SLC8A2: variants seen among roughly 807,000 people sequenced by gnomAD.
SLC8A2 encodes the protein sodium/calcium exchanger 2.
In SLC8A2, 14 loss-of-function variants were observed where a neutral mutation model predicts 70.2. That is an observed-to-expected ratio of 0.20 (90% CI 0.13 to 0.31). The LOEUF (loss-of-function observed/expected upper bound fraction) is 0.31. Among genes scored for constraint, SLC8A2 ranks in the 10% least tolerant of loss-of-function variants. The pLI is 1.00. For missense variants in SLC8A2, 779 were observed against 1,320.1 expected, an observed-to-expected ratio of 0.59 and a Z score of 6.35; for synonymous variants, 575 against 594.3, an observed-to-expected ratio of 0.97 and a Z score of 0.47.
At chr19:47,441,609 A>G (rs555104787) in intron 4 of SLC8A2, among the ~76,000 whole-genome samples, 169 bp from the exon 5 acceptor site, 2 of 152,176 alleles carry the variant, frequency 1.3e-5, no homozygotes, top group African/African-American at 4.8e-5. Flanking sequence ...CTCTATTATC[A>G]TCCCCATTTG....
At chr19:47,446,474 G>A (rs765866614) in intron 4 of SLC8A2, among the ~76,000 whole-genome samples, 1 of 152,150 alleles carries the variant, frequency 6.6e-6, no homozygotes, top group Non-Finnish European at 1.5e-5. Context: ...TGTCGCCCAG[G>A]CTGGAGTGCA....
In SLC8A2 at chr19:47,437,935, C is replaced by G. The variant is rs771250232; in HGVS notation, c.1924G>C (p.Ala642Pro). 1 of 1,613,570 alleles carries G rather than the reference C, an allele frequency of 6.2e-7. No homozygotes were observed. The highest frequency in any genetic ancestry group is 1.1e-5 in the South Asian group (1 of 91,068). ...DRKLTAEEEE[A>P]RRIAEMGKPV... ...TTGCCCATCTCTGCTATCCTCCGAG[C>G]CTCCTCCTCCTCGGCTGTTAGCTTC... Residue 642 changes from alanine to proline, a missense_variant, in exon 7 of 10, where the codon GCT (alanine) becomes CCT (proline). Ala to Pro is a conservative substitution (Grantham distance 27, BLOSUM62 -1). This residue lies in a region of SLC8A2 where 247 missense variants were observed against 362.8 expected (regional missense o/e 0.68). Transcript: ENST00000236877.
At chr19:47,443,599 C>G (rs1599848764) in intron 4 of SLC8A2, among the ~76,000 whole-genome samples, 1 of 152,234 alleles carries the variant, frequency 6.6e-6, no homozygotes, top group African/African-American at 2.4e-5. Context: ...CGTCAGTTAG[C>G]ACGACTCCCC....
chr19:47,429,831 C>CG lies in SLC8A2; in HGVS notation c.*257dup. The CG allele has an allele frequency of 1.8e-6, 1 of 567,350 alleles. No individual in the cohort carries two copies. The highest frequency in any genetic ancestry group is 3.1e-6 in the Non-Finnish European group (1 of 321,224). 35.1% of individuals were successfully genotyped at this position (567,350 alleles called of 1,614,324 possible). ...GTGGAAATTTCCCCAGGGATATAGA[C>CG]GGTCACCAACAGGATGGGCTGGAGT... On this transcript the variant is annotated 3_prime_UTR_variant, in exon 10 of 10. Coordinates refer to ENST00000236877, the MANE Select transcript of SLC8A2 (RefSeq NM_015063.3).
chr19:47,465,043 A>G lies in SLC8A2; in HGVS notation c.675+686T>C, dbSNP rs983177943. Among the ~76,000 whole-genome samples the G allele has an allele frequency of 6.6e-6, 1 of 152,250 alleles. No individual in the cohort carries two copies. Among genetic ancestry groups the G allele is most frequent in the African/African-American group, 2.4e-5 (1 of 41,464 alleles). On this transcript the variant is annotated intron_variant, in intron 2 of 9. Transcript: ENST00000236877. The surrounding 1 kb of genome is among the most constrained non-coding windows in gnomAD (Gnocchi z 5.5). ...TGGGTTGGATGGGAGTATACATTAC[A>G]CTGAAGTGGCATAAATTATCCCAAC...
Position 47,448,109 on chromosome 19 carries a change from C to G in SLC8A2, c.1463G>C (p.Gly488Ala), listed in dbSNP as rs768433740. Reference protein sequence around the residue: ...FFVRLLNLRVGDAQGMFEPDG... With the variant: ...FFVRLLNLRVADAQGMFEPDG... ...CGGCTCGAACATGCCCTGCGCGTCG[C>G]CCACGCGCAGGTTCAGCAGCCGCAC... Residue 488 changes from glycine to alanine, a missense_variant, in exon 4 of 10, where the codon GGC becomes GCC. Gly to Ala is a moderately conservative substitution (Grantham distance 60, BLOSUM62 0). Coordinates refer to ENST00000236877, the MANE Select transcript of SLC8A2 (RefSeq NM_015063.3). The surrounding 1 kb of genome is among the most constrained non-coding windows in gnomAD (Gnocchi z 4.8). The G allele has an allele frequency of 9.9e-6, 16 of 1,610,636 alleles. No individual in the cohort carries two copies. The highest frequency in any genetic ancestry group is 1.3e-5 in the African/African-American group (1 of 75,030).
intron 1 of SLC8A2, among the ~76,000 whole-genome samples, chr19:47,469,837 G>C (rs1967510970): frequency 6.6e-6 from 1 of 152,198 alleles, no homozygotes; most frequent in African/African-American, 2.4e-5. Context: ...CGTCTCCCAG[G>C]GCCATCTCTC....
chr19:47,463,361 C>G (rs1251410747), intron 2 of SLC8A2, among the ~76,000 whole-genome samples: 2 of 149,780 alleles, frequency 1.3e-5, no homozygotes, highest in African/African-American at 4.9e-5. Flanking sequence ...TCCCTATCTC[C>G]TGACCTTGTG....
rs768529382 is a variant in SLC8A2, at chr19:47,447,967, G to A, written c.1605C>T (p.Ser535=). The A allele has an allele frequency of 2.3e-5, 36 of 1,561,256 alleles. No homozygotes were observed. Among genetic ancestry groups the A allele is most frequent in the Non-Finnish European group, 2.6e-5 (30 of 1,152,782 alleles). The change falls in exon 4 of 10, where the codon AGC becomes AGT. Residue 535 remains serine, a synonymous_variant. Coordinates refer to ENST00000236877, the MANE Select transcript of SLC8A2 (RefSeq NM_015063.3). This position sits in a 1 kb window ranked among gnomAD's most constrained non-coding sequence, Gnocchi z 5.1. ...GCACGTCCACGGTGCCCATGCACTC[G>A]CTCACGTGCAGCAGGCGGTCCTGGA... is the stretch of plus-strand genomic sequence containing the variant. ...FSFQDRLLHV[S]ECMGTVDVRV...
At chr19:47,445,263 C>T (rs144025828) in intron 4 of SLC8A2, among the ~76,000 whole-genome samples, 7,056 of 152,274 alleles carry the variant, frequency 0.046, 203 homozygotes, top group African/African-American at 0.075. Flanking sequence ...TGCATGCCAC[C>T]AGGCCTGGCT....
At position 47,448,086 on chromosome 19, in the gene SLC8A2, G is replaced by T. The variant is rs757930292; in HGVS notation, c.1486C>A (p.Pro496Thr). 2.5e-6 allele frequency: 4 copies of T among 1,602,516 alleles called. No homozygotes were observed. Among genetic ancestry groups the T allele is most frequent in the South Asian group, 1.1e-5 (1 of 90,044 alleles). ...CCCTTGGGCCGCCCGCCGCCGTCCG[G>T]CTCGAACATGCCCTGCGCGTCGCCC... ...RVGDAQGMFEPDGGGRPKGRL... is the reference protein window; with the variant it reads ...RVGDAQGMFETDGGGRPKGRL... Residue 496 changes from proline to threonine, a missense_variant, in exon 4 of 10, where the codon CCG becomes ACG. Coordinates refer to ENST00000236877, the MANE Select transcript of SLC8A2 (RefSeq NM_015063.3). This position sits in a 1 kb window ranked among gnomAD's most constrained non-coding sequence, Gnocchi z 4.8.
chr19:47,459,141 CTG>C (rs2122646449), intron 2 of SLC8A2, among the ~76,000 whole-genome samples: 1 of 150,972 alleles, frequency 6.6e-6, no homozygotes, highest in South Asian at 2.1e-4. Flanking sequence ...CTTTTTAACT[CTG>C]TCCTCCCTTT....
intron 4 of SLC8A2, among the ~76,000 whole-genome samples, chr19:47,444,315 G>T (rs116833348): frequency 1.3e-5 from 2 of 152,024 alleles, no homozygotes; most frequent in Admixed American, 1.3e-4. Flanking sequence ...TTCAAAAGAC[G>T]CATCTCAACA....
At chr19:47,459,307 C>A (rs2122646683) in intron 2 of SLC8A2, among the ~76,000 whole-genome samples, 1 of 152,028 alleles carries the variant, frequency 6.6e-6, no homozygotes, top group Admixed American at 6.6e-5. Context: ...GTTTTCTTAG[C>A]CTTTCCTCCT....
At position 47,441,530 on chromosome 19, in the gene SLC8A2, T is replaced by C. The variant is rs552740536; in HGVS notation, c.1764-90A>G. ...CAACCCTCCTGGCAGCCACCCAGTT[T>C]TCCAAGCACCTCCTCTGTCCCAGAC... On this transcript the variant is annotated intron_variant, in intron 4 of 9. Coordinates refer to ENST00000236877, the MANE Select transcript of SLC8A2 (RefSeq NM_015063.3). The C allele has an allele frequency of 7.0e-6, 5 of 714,456 alleles. No homozygotes were observed. In the South Asian group the frequency reaches 8.2e-5, roughly 12 times the overall value. 44.3% of individuals were successfully genotyped at this position (714,456 alleles called of 1,614,324 possible).
rs1171851459 is a variant in SLC8A2, at chr19:47,448,293, C to T, written c.1341-62G>A. ...GGTCGGTCATCGGCTGTGTGTTGTA[C>T]GGGGGGAGTCTGGACGTGCTTCCCA... is the stretch of plus-strand genomic sequence containing the variant. On this transcript the variant is annotated intron_variant, in intron 3 of 9. Coordinates refer to ENST00000236877, the MANE Select transcript of SLC8A2 (RefSeq NM_015063.3). The surrounding 1 kb of genome is among the most constrained non-coding windows in gnomAD (Gnocchi z 4.8). 5 of 1,310,466 alleles carry T rather than the reference C, an allele frequency of 3.8e-6. No individual in the cohort carries two copies. Among genetic ancestry groups the T allele is most frequent in the Non-Finnish European group, 4.2e-6 (4 of 946,846 alleles). 81.2% of individuals were successfully genotyped at this position (1,310,466 alleles called of 1,614,324 possible).
intron 2 of SLC8A2, among the ~76,000 whole-genome samples, chr19:47,459,787 C>CTG (rs147691710): frequency 9.2e-5 from 14 of 151,482 alleles, no homozygotes; most frequent in Middle Eastern, 3.4e-3. Flanking sequence ...GTGTGTCCAT[C>CTG]TGTGTGTGTG....
rs1001873794 is a variant in SLC8A2 at position 47,448,816 on chromosome 19, T to C, written c.1341-585A>G. Reference sequence around the variant, plus strand: ...TCTGTCATTCCTCTGATAAAAACCCTTCCCAGATGCCCCCAAGAGGAAGTC... The same window carrying C: ...TCTGTCATTCCTCTGATAAAAACCCCTCCCAGATGCCCCCAAGAGGAAGTC... On this transcript the variant is annotated intron_variant, in intron 3 of 9. Coordinates refer to ENST00000236877, the MANE Select transcript of SLC8A2 (RefSeq NM_015063.3). The surrounding 1 kb of genome is among the most constrained non-coding windows in gnomAD (Gnocchi z 4.8). 3.9e-5 allele frequency among the ~76,000 whole-genome samples: 6 copies of C among 152,142 alleles called. No homozygotes were observed. The highest frequency in any genetic ancestry group is 2.0e-4 in the Admixed American group (3 of 15,276).
rs929947208 is a variant in SLC8A2 at position 47,430,534 on chromosome 19, C to T, written c.2390-69G>A. ...ACCCACAGGGGCGGGCATCCGCCTG[C>T]CCCCTCCCAGCCTTTCCCGGTCGCC... On this transcript the variant is annotated intron_variant, in intron 9 of 9. Coordinates refer to ENST00000236877, the MANE Select transcript of SLC8A2 (RefSeq NM_015063.3). The surrounding 1 kb of genome is among the most constrained non-coding windows in gnomAD (Gnocchi z 5.9). The T allele has an allele frequency of 9.6e-6, 14 of 1,452,872 alleles. No homozygotes were observed. Among genetic ancestry groups the T allele is most frequent in the Admixed American group, 2.3e-5 (1 of 42,996 alleles). The allele number at this position is 1,452,872 out of a possible 1,614,324, so 90.0% of individuals were successfully genotyped here. A position where few individuals can be genotyped will look rare whatever the true frequency, so the allele number is the denominator to read the frequency against.
Sources: allele counts gnomAD v4.1 joint callset (sites outside exome capture counted in the v4.1 genomes callset), GRCh38; gene constraint gnomAD v4.1.1; regional missense constraint gnomAD v4.1.1; non-coding constraint Gnocchi (gnomAD v3.1); transcripts MANE v1.5; gene names NCBI Gene and HGNC (gene_info 2026-07-23, HGNC 2026-07-21).